The following HS6ST3 variants were observed in gnomAD, a reference collection of about 807,000 sequenced individuals.
The protein encoded by HS6ST3 is heparan sulfate 6-O-sulfotransferase 3.
A neutral mutation model predicts 36.7 loss-of-function variants in HS6ST3; 12 were observed. That is an observed-to-expected ratio of 0.33 (90% confidence interval 0.21 to 0.53). HS6ST3 has a LOEUF of 0.53. Among genes scored for constraint, HS6ST3 ranks in the 20% least tolerant of loss-of-function variants. HS6ST3 has a pLI of 0.95. For missense variants in HS6ST3, 584 were observed against 640.9 expected, an observed-to-expected ratio of 0.91 and a Z score of 0.96; for synonymous variants, 240 against 257.5, an observed-to-expected ratio of 0.93 and a Z score of 0.65.
intron 1 of HS6ST3, among the ~76,000 whole-genome samples, chr13:96,274,839 T>TCACACACACACACA (rs60430769): frequency 4.0e-5 from 5 of 126,094 alleles, no homozygotes; most frequent in East Asian, 2.5e-4. Flanking sequence ...ACTTAGTCCT[T>TCACACACACACACA]CACACACACA....
intron 1 of HS6ST3, among the ~76,000 whole-genome samples, chr13:96,667,812 A>T (rs1186244547): frequency 6.6e-6 from 1 of 152,182 alleles, no homozygotes. Context: ...CAGAAGGGGT[A>T]CTTACTATGC....
chr13:96,305,436 T>C (rs1217384021), intron 1 of HS6ST3, among the ~76,000 whole-genome samples: 1 of 152,196 alleles, frequency 6.6e-6, no homozygotes, highest in Non-Finnish European at 1.5e-5. Context: ...ACTTGCTTTA[T>C]TCTTCTCATC....
At chr13:96,811,341 T>C (rs1878313267) in intron 1 of HS6ST3, among the ~76,000 whole-genome samples, 1 of 152,182 alleles carries the variant, frequency 6.6e-6, no homozygotes, top group Admixed American at 6.5e-5. Context: ...TGGGCCCTGT[T>C]CCTAAATCAT....
chr13:96,139,046 C>T (rs1202413343), intron 1 of HS6ST3, among the ~76,000 whole-genome samples: 1 of 152,022 alleles, frequency 6.6e-6, no homozygotes, highest in African/African-American at 2.4e-5. Context: ...ATTAGGCGAT[C>T]TAAGTATACA....
chr13:96,811,991 G>A (rs1443923954), intron 1 of HS6ST3, among the ~76,000 whole-genome samples: 1 of 152,086 alleles, frequency 6.6e-6, no homozygotes, highest in African/African-American at 2.4e-5. Flanking sequence ...GGATGCCGGG[G>A]GGTTGGGGTG....
intron 1 of HS6ST3, among the ~76,000 whole-genome samples, chr13:96,443,507 G>C (rs1418165373): frequency 6.9e-6 from 1 of 143,888 alleles, no homozygotes; most frequent in Non-Finnish European, 1.5e-5. Context: ...TCCAGCCTGG[G>C]GGACAGAGCG....
At chr13:96,630,882 A>G (rs1310426978) in intron 1 of HS6ST3, among the ~76,000 whole-genome samples, 1 of 152,146 alleles carries the variant, frequency 6.6e-6, no homozygotes, top group Non-Finnish European at 1.5e-5. Context: ...CACTTTCAGA[A>G]ATGGGAAGTC....
intron 1 of HS6ST3, among the ~76,000 whole-genome samples, chr13:96,159,295 C>G (rs1283181263): frequency 6.6e-6 from 1 of 152,138 alleles, no homozygotes; most frequent in Non-Finnish European, 1.5e-5. Flanking sequence ...CAACTCTTGC[C>G]TGAGGGAGCA....
chr13:96,203,676 C>T (rs1364049924), intron 1 of HS6ST3, among the ~76,000 whole-genome samples: 1 of 152,230 alleles, frequency 6.6e-6, no homozygotes, highest in East Asian at 1.9e-4. Context: ...TGCTAGAAGC[C>T]AAATACCATA....
chr13:96,532,655 A>T (rs1335356010), intron 1 of HS6ST3, among the ~76,000 whole-genome samples: 2 of 152,224 alleles, frequency 1.3e-5, no homozygotes, highest in Admixed American at 1.3e-4. Flanking sequence ...TGCTAGGCTA[A>T]CAAAGAGAAC....
chr13:96,785,841 A>G (rs942319286), intron 1 of HS6ST3, among the ~76,000 whole-genome samples: 1 of 152,232 alleles, frequency 6.6e-6, no homozygotes, highest in African/African-American at 2.4e-5. Flanking sequence ...TCTCACAGAA[A>G]TATTGCTCTG....
At chr13:96,634,342 A>C (rs191813604) in intron 1 of HS6ST3, among the ~76,000 whole-genome samples, 1 of 152,180 alleles carries the variant, frequency 6.6e-6, no homozygotes, top group African/African-American at 2.4e-5. Context: ...GAAGTCAGTC[A>C]GTAAAAGCTC....
chr13:96,663,187 G>C (rs1257553804), intron 1 of HS6ST3, among the ~76,000 whole-genome samples: 1 of 152,150 alleles, frequency 6.6e-6, no homozygotes, highest in African/African-American at 2.4e-5. Context: ...GTCTGCACCA[G>C]CTTCATGCCC....
chr13:96,665,889 G>C (rs1319252934), intron 1 of HS6ST3, among the ~76,000 whole-genome samples: 3 of 152,072 alleles, frequency 2.0e-5, no homozygotes, highest in African/African-American at 7.2e-5. Flanking sequence ...GACTTGATTG[G>C]CCCAAGGACA....
At chr13:96,595,660 T>C (rs144038934) in intron 1 of HS6ST3, among the ~76,000 whole-genome samples, 73 of 152,228 alleles carry the variant, frequency 4.8e-4, no homozygotes, top group African/African-American at 1.6e-3. Context: ...TCTTACATTC[T>C]TATGACTTGA....
At chr13:96,280,341 T>TA (rs542176169) in intron 1 of HS6ST3, among the ~76,000 whole-genome samples, 13 of 151,306 alleles carry the variant, frequency 8.6e-5, no homozygotes, top group East Asian at 1.9e-4. Context: ...TTCTGTCCAT[T>TA]AAAAAAAAAT....
At chr13:96,738,326 A>G (rs895818669) in intron 1 of HS6ST3, among the ~76,000 whole-genome samples, 2 of 152,080 alleles carry the variant, frequency 1.3e-5, no homozygotes, top group African/African-American at 2.4e-5. Flanking sequence ...GCTAAGGATG[A>G]TTGTATGTAC....
chr13:96,466,142 G>T (rs539133707), intron 1 of HS6ST3, among the ~76,000 whole-genome samples: 1 of 152,162 alleles, frequency 6.6e-6, no homozygotes, highest in South Asian at 2.1e-4. Flanking sequence ...TGAGCTAGGC[G>T]TGGTGGTGCT....
intron 1 of HS6ST3, among the ~76,000 whole-genome samples, chr13:96,828,928 A>C (rs965997380): frequency 6.6e-6 from 1 of 152,204 alleles, no homozygotes; most frequent in Non-Finnish European, 1.5e-5. Context: ...TCTCCTTTAA[A>C]TCTAAGTCTG....
Sources: allele counts gnomAD v4.1 joint callset (sites outside exome capture counted in the v4.1 genomes callset), GRCh38; gene constraint gnomAD v4.1.1; transcripts MANE v1.5; gene names NCBI Gene and HGNC (gene_info 2026-07-23, HGNC 2026-07-21).